The following HLTF variants were observed in gnomAD, a reference collection of about 807,000 sequenced individuals.
HLTF encodes DNA-dependent ATPase/E3 ubiquitin-protein ligase HLTF.
Under a neutral mutation model 129.4 loss-of-function variants are expected in HLTF, and 127 were observed. The observed-to-expected ratio is 0.98, with a 90% CI of 0.85 to 1.14. The LOEUF is 1.14. Ranked by LOEUF, HLTF falls within the 50% of genes most tolerant of loss-of-function variation. The pLI is 0.00. For synonymous variants in HLTF, 332 were observed against 388.8 expected (o/e 0.85, Z 1.72); for missense variants, 1,139 against 1,187.1 (o/e 0.96, Z 0.60).
chr3:149,037,612 A>G (rs1715763830), intron 23 of HLTF, among the ~76,000 whole-genome samples: 1 of 152,218 alleles, frequency 6.6e-6, no homozygotes, highest in South Asian at 2.1e-4. Context: ...AGGAAGCCTG[A>G]GTAAACATAT....
rs1717885107 is a variant in HLTF at position 149,060,891 on chromosome 3, AC to A, written c.1161-34del. 1.4e-6 allele frequency: 2 copies of A among 1,440,860 alleles called. 1 individual carries two copies. Among genetic ancestry groups the A allele is most frequent in the South Asian group, 2.4e-5 (2 of 83,544 alleles). 89.3% of individuals were successfully genotyped at this position (1,440,860 alleles called of 1,614,324 possible). Reference sequence around the variant, plus strand: ...TAAGTATACACAAAGAAATTTTTGGACCAACCCAAAGCAAAATAAGATATAC... The same window carrying A: ...TAAGTATACACAAAGAAATTTTTGGACAACCCAAAGCAAAATAAGATATAC... On this transcript the variant is annotated intron_variant, in intron 10 of 24. Coordinates refer to ENST00000310053, the MANE Select transcript of HLTF (RefSeq NM_003071.4).
chr3:149,070,273 T>C (rs1049860419), intron 7 of HLTF, among the ~76,000 whole-genome samples: 3 of 152,228 alleles, frequency 2.0e-5, no homozygotes, highest in African/African-American at 4.8e-5. Context: ...ATTTTCTTCA[T>C]ATACTTCAAC....
In HLTF at chr3:149,059,790, T is replaced by G; in HGVS notation, c.1303A>C (p.Ile435Leu). 6.3e-7 allele frequency: 1 copy of G among 1,594,744 alleles called. No individual in the cohort carries two copies. The highest frequency in any genetic ancestry group is 8.5e-7 in the Non-Finnish European group (1 of 1,170,918). The stretch of plus-strand genomic sequence containing the variant: ...GCACATGCAAATGCCACATCTTCTA[T>G]AACCTTAGAAGATCCTGCTGATAAA... ...GRAKAGSSKV[I>L]EDVAFACALT... The change falls in exon 13 of 25, where the codon ATA (isoleucine) becomes CTA (leucine). Residue 435 changes from isoleucine to leucine, a missense_variant. Coordinates refer to ENST00000310053, the MANE Select transcript of HLTF (RefSeq NM_003071.4).
rs35279410 is a variant in HLTF at position 149,078,856 on chromosome 3, C to CA, written c.229-2810dup. Reference sequence around the variant, plus strand: ...TGGGCGACAAAGCAAGACTCCGTCTCAAAAAAAAAAAAAAATAAGTTCAAA... The same window carrying CA: ...TGGGCGACAAAGCAAGACTCCGTCTCAAAAAAAAAAAAAAAATAAGTTCAAA... On this transcript the variant is annotated intron_variant, in intron 2 of 24. Coordinates refer to ENST00000310053, the MANE Select transcript of HLTF (RefSeq NM_003071.4). 5.2e-3 allele frequency among the ~76,000 whole-genome samples: 670 copies of CA among 129,956 alleles called. 4 individuals carry two copies. The highest frequency in any genetic ancestry group is 9.2e-3 in the Middle Eastern group (2 of 218). The allele number at this position is 129,956 out of a possible 152,430, so 85.3% of individuals were successfully genotyped here. A position where few individuals can be genotyped will look rare whatever the true frequency, so the allele number is the denominator to read the frequency against.
chr3:149,035,164 C>CA (rs1715462239), intron 23 of HLTF, among the ~76,000 whole-genome samples, 166 bp from the exon 24 acceptor site: 16 of 152,172 alleles, frequency 1.1e-4, no homozygotes, highest in Admixed American at 1.0e-3. Context: ...TCCACCCTCC[C>CA]AATCACTATG....
intron 8 of HLTF, among the ~76,000 whole-genome samples, chr3:149,067,853 C>T (rs1198897507): frequency 2.0e-5 from 3 of 152,116 alleles, no homozygotes; most frequent in Non-Finnish European, 4.4e-5. Flanking sequence ...CAATTGTTCT[C>T]AAGAATGTGA....
rs550637635 is a variant in HLTF at position 149,069,271 on chromosome 3, G to C, written c.895-936C>G. 2.6e-5 allele frequency among the ~76,000 whole-genome samples: 4 copies of C among 152,158 alleles called. No individual in the cohort carries two copies. In the East Asian group the frequency reaches 7.7e-4, roughly 29 times the overall value. Reference sequence around the variant, plus strand: ...TGGATCACCTGAGGTAGGAGTTCAAGACCAGCCTGGACCAACACGGTGAAA... The same window carrying C: ...TGGATCACCTGAGGTAGGAGTTCAACACCAGCCTGGACCAACACGGTGAAA... On this transcript the variant is annotated intron_variant, in intron 7 of 24. Transcript: ENST00000310053.
At chr3:149,078,114 A>G (rs1719539939) in intron 2 of HLTF, among the ~76,000 whole-genome samples, 1 of 152,248 alleles carries the variant, frequency 6.6e-6, no homozygotes, top group South Asian at 2.1e-4. Flanking sequence ...TTTTTCAAGA[A>G]AAAAAGTACA....
At chr3:149,033,461 A>G (rs1198555470) in intron 24 of HLTF, among the ~76,000 whole-genome samples, 5 of 152,132 alleles carry the variant, frequency 3.3e-5, no homozygotes, top group Non-Finnish European at 7.4e-5. Flanking sequence ...CAATTTTCAA[A>G]AAGGGTCATC....
chr3:149,082,392 G>A (rs1210530867), intron 2 of HLTF, among the ~76,000 whole-genome samples: 1 of 152,182 alleles, frequency 6.6e-6, no homozygotes, highest in Non-Finnish European at 1.5e-5. Context: ...TTGGGAGGCG[G>A]AGCTTGCAAT....
intron 2 of HLTF, among the ~76,000 whole-genome samples, chr3:149,083,382 C>A (rs1720054236): frequency 6.6e-6 from 1 of 151,918 alleles, no homozygotes; most frequent in African/African-American, 2.4e-5. Flanking sequence ...CTGATGATTA[C>A]TTTTTATCAA....
rs1265497064 is a variant in HLTF, at chr3:149,046,155, T to A, written c.1997A>T (p.Gln666Leu). The change falls in exon 18 of 25, where the codon CAG (glutamine) becomes CTG (leucine). Residue 666 changes from glutamine (Q) to leucine (L), a missense_variant. By Grantham distance (113) the Gln-to-Leu change is moderately radical. Coordinates refer to ENST00000310053, the MANE Select transcript of HLTF (RefSeq NM_003071.4). The stretch of plus-strand genomic sequence containing the variant: ...CTCTTCATCTGAAAGTGTAATGTGC[T>A]GAATAAATACTTTACGTTCTGGTAA... ...LELPERKVFI[Q>L]HITLSDEERK... is the part of the protein sequence containing the mutation. 8 of 1,610,820 alleles carry A rather than the reference T, an allele frequency of 5.0e-6. No homozygotes were observed. Among genetic ancestry groups the A allele is most frequent in the Non-Finnish European group, 6.8e-6 (8 of 1,178,034 alleles).
intron 13 of HLTF, among the ~76,000 whole-genome samples, chr3:149,056,809 G>A (rs868296572): frequency 6.6e-6 from 1 of 152,014 alleles, no homozygotes; most frequent in Non-Finnish European, 1.5e-5. Flanking sequence ...AACCAAACGT[G>A]GATTAAAAAT....
At chr3:149,060,976 A>T in intron 10 of HLTF, 118 bp from the exon 11 acceptor site, 3 of 685,102 alleles carry the variant, frequency 4.4e-6, no homozygotes, top group South Asian at 3.9e-5. Context: ...TTTTTGAAAA[A>T]TTTTTTAAAG....
intron 21 of HLTF, 137 bp from the exon 22 acceptor site, chr3:149,039,830 T>G: frequency 1.5e-6 from 1 of 669,484 alleles, no homozygotes; most frequent in South Asian, 2.4e-5. Context: ...AAACAAAAAA[T>G]TAAGACTGAA....
chr3:149,033,191 T>C (rs1715281946), intron 24 of HLTF, among the ~76,000 whole-genome samples: 1 of 152,126 alleles, frequency 6.6e-6, no homozygotes, highest in African/African-American at 2.4e-5. Flanking sequence ...GGTCACTATC[T>C]GCTACTATTT....
intron 14 of HLTF, among the ~76,000 whole-genome samples, chr3:149,053,803 T>C (rs908463588): frequency 2.6e-5 from 4 of 152,170 alleles, no homozygotes; most frequent in African/African-American, 4.8e-5. Flanking sequence ...TACATCTCTA[T>C]ACCCCAAGCC....
At chr3:149,041,971 G>A (rs777632037) in intron 19 of HLTF, 195 bp downstream of exon 19, 1 of 596,422 alleles carries the variant, frequency 1.7e-6, no homozygotes, top group Non-Finnish European at 3.0e-6. Flanking sequence ...CGGAATTCCT[G>A]GAAAGACCTC....
In HLTF at chr3:149,084,791, T is replaced by G; in HGVS notation, c.119A>C (p.Gln40Pro). ...AAAGTCATCTGGAGGGATAACATCTTGGAATTCAAAACGTGGAAAGAAAGT... is the reference window on the plus strand; with the variant it reads ...AAAGTCATCTGGAGGGATAACATCTGGGAATTCAAAACGTGGAAAGAAAGT... ...YPTFFPRFEF[Q>P]DVIPPDDFLT... Residue 40 changes from glutamine (Q) to proline (P), a missense_variant, in exon 2 of 25, where the codon CAA (glutamine) becomes CCA (proline). Physicochemically the swap from Gln to Pro is moderately conservative, Grantham distance 76. Coordinates refer to ENST00000310053, the MANE Select transcript of HLTF (RefSeq NM_003071.4). 6.2e-7 allele frequency: 1 copy of G among 1,614,094 alleles called. No homozygotes were observed.
Sources: gnomAD v4.1 joint callset for allele counts (sites outside exome capture counted in the v4.1 genomes callset) on GRCh38, gnomAD v4.1.1 for gene constraint, MANE v1.5 for transcripts, NCBI Gene and HGNC (gene_info 2026-07-23, HGNC 2026-07-21) for gene names.